The following TLN2 variants were observed in gnomAD, a reference collection of about 807,000 sequenced individuals.
The protein encoded by TLN2 is talin 2, also known as talin-2.
TLN2 carries 118 observed loss-of-function variants against 294.7 expected under a neutral mutation model. The observed-to-expected ratio is 0.40, with a 90% confidence interval of 0.34 to 0.47. TLN2 has a LOEUF of 0.47. Ranked by LOEUF, TLN2 falls within the 20% of genes least tolerant of loss-of-function variation. The probability of loss-of-function intolerance (pLI) is 0.84; values close to 1 mark genes in which losing one functional copy is unlikely to be tolerated. For missense variants in TLN2, 3,083 were observed against 3,282.2 expected (o/e 0.94, Z 1.48); for synonymous variants, 1,431 against 1,304.5 (o/e 1.10, Z -2.09).
intron 30 of TLN2, among the ~76,000 whole-genome samples, chr15:62,739,060 A>T (rs2061178396): frequency 6.6e-6 from 1 of 152,122 alleles, no homozygotes; most frequent in Non-Finnish European, 1.5e-5. Context: ...CTTGGTGTGG[A>T]TCCTGTCTCT....
rs1465101823 is a variant in TLN2 at position 62,763,464 on chromosome 15, G to A, written c.4962-99G>A. 3 of 1,474,910 alleles carry A rather than the reference G, an allele frequency of 2.0e-6. No individual in the cohort carries two copies. The African/African-American group carries it at 4.2e-5, about 21-fold the overall frequency. 91.4% of individuals were successfully genotyped at this position (1,474,910 alleles called of 1,614,324 possible). ...CTCCTGAAAGGAGGTGACTGTGTCAGGGAGGAAGTGGACAGGGATCCTGGC... is the reference window on the plus strand; with the variant it reads ...CTCCTGAAAGGAGGTGACTGTGTCAAGGAGGAAGTGGACAGGGATCCTGGC... On this transcript the variant is annotated intron_variant, in intron 39 of 58. Coordinates refer to ENST00000636159, the MANE Select transcript of TLN2 (RefSeq NM_015059.3).
At chr15:62,696,990 G>A (rs2058384776) in intron 14 of TLN2, among the ~76,000 whole-genome samples, 1 of 152,116 alleles carries the variant, frequency 6.6e-6, no homozygotes. Flanking sequence ...CCTGGCACAA[G>A]GTTGATACTT....
At chr15:62,597,436 G>A (rs549346232) in intron 2 of TLN2, among the ~76,000 whole-genome samples, 2 of 152,164 alleles carry the variant, frequency 1.3e-5, no homozygotes, top group Non-Finnish European at 2.9e-5. Flanking sequence ...TGTTTAAATG[G>A]ATTCCCCTTT....
At chr15:62,572,846 C>T (rs909855273) in intron 1 of TLN2, among the ~76,000 whole-genome samples, 12 of 152,192 alleles carry the variant, frequency 7.9e-5, no homozygotes, top group African/African-American at 2.6e-4. Context: ...TTTGGAATCC[C>T]GCACTCTGTG....
At chr15:62,453,070 CT>C (rs1290124257) in intron 1 of TLN2, among the ~76,000 whole-genome samples, 1 of 152,122 alleles carries the variant, frequency 6.6e-6, no homozygotes, top group Non-Finnish European at 1.5e-5. Flanking sequence ...GCAGAATTAT[CT>C]GTGGTTTACC....
At position 62,844,194 on chromosome 15, in the gene TLN2, TCC is replaced by T. The variant is rs1264878174; in HGVS notation, c.*3586_*3587del. The T allele has an allele frequency of 6.6e-6, 1 of 152,088 alleles. No homozygotes were observed. Among genetic ancestry groups the T allele is most frequent in the Non-Finnish European group, 1.5e-5 (1 of 68,076 alleles). The allele number at this position is 152,088 out of a possible 1,614,324, so 9.4% of individuals were successfully genotyped here. Reference sequence around the variant, plus strand: ...TGGCCTCTGCTGGGGAAGGCATCTTTCCCAAAGGTATCCCCAAGTACCATGTT... The same window carrying T: ...TGGCCTCTGCTGGGGAAGGCATCTTTCAAAGGTATCCCCAAGTACCATGTT... On this transcript the variant is annotated 3_prime_UTR_variant, in exon 59 of 59. Transcript: ENST00000636159.
rs1350997797 is a variant in TLN2 at position 62,809,985 on chromosome 15, A to T, written c.6724A>T (p.Thr2242Ser). ...GAGAACCAGAGCCTTGCGTTTCGGGACGGAGTGCACCCTTGGCTACTTGGA... is the reference window on the plus strand; with the variant it reads ...GAGAACCAGAGCCTTGCGTTTCGGGTCGGAGTGCACCCTTGGCTACTTGGA... ...EVRTRALRFG[T>S]ECTLGYLDLL... is the part of the protein sequence containing the mutation. The change falls in exon 52 of 59, where the codon ACG becomes TCG. Residue 2242 changes from threonine (T) to serine (S), a missense_variant. Coordinates refer to ENST00000636159, the MANE Select transcript of TLN2 (RefSeq NM_015059.3). The T allele has an allele frequency of 6.2e-7, 1 of 1,613,924 alleles. No homozygotes were observed. The highest frequency in any genetic ancestry group is 1.3e-5 in the African/African-American group (1 of 74,940).
In TLN2 at chr15:62,609,218, A is replaced by C. The variant is rs1028161658; in HGVS notation, c.-161-9133A>C. Among the ~76,000 whole-genome samples the C allele has an allele frequency of 6.7e-4, 102 of 152,246 alleles. 1 individual carries two copies. The highest frequency in any genetic ancestry group is 1.9e-4 in the Non-Finnish European group (13 of 68,042). ...CACAGAGAAGCTGAAAATACAGCAC[A>C]AAAGAAGGTTTCTGAACCATTTGAT... On this transcript the variant is annotated intron_variant, in intron 2 of 58. Transcript: ENST00000636159.
At chr15:62,655,409 C>T (rs188409480) in intron 7 of TLN2, among the ~76,000 whole-genome samples, 2 of 152,150 alleles carry the variant, frequency 1.3e-5, no homozygotes, top group Admixed American at 6.5e-5. Context: ...TCTGCCAGCC[C>T]CCCTTTAGTG....
intron 28 of TLN2, among the ~76,000 whole-genome samples, chr15:62,733,642 C>T (rs1432675865): frequency 6.6e-6 from 1 of 152,190 alleles, no homozygotes; most frequent in South Asian, 2.1e-4. Context: ...ATACACAATC[C>T]ACATGAATTC....
intron 19 of TLN2, among the ~76,000 whole-genome samples, chr15:62,704,656 G>A (rs193275352): frequency 2.0e-5 from 3 of 152,344 alleles, no homozygotes; most frequent in Admixed American, 1.3e-4. Flanking sequence ...GAATTCATAT[G>A]ATGGGTGGTA....
intron 9 of TLN2, among the ~76,000 whole-genome samples, chr15:62,670,912 G>A (rs2055328943): frequency 6.6e-6 from 1 of 152,182 alleles, no homozygotes; most frequent in Non-Finnish European, 1.5e-5. Context: ...CAGTGTATGA[G>A]GGTTCCAGTT....
intron 1 of TLN2, among the ~76,000 whole-genome samples, chr15:62,410,818 C>T (rs1004918630): frequency 6.6e-5 from 10 of 152,166 alleles, no homozygotes; most frequent in African/African-American, 1.7e-4. Context: ...TGTTCAAGTA[C>T]GGTGATAAGG....
rs536419294 is a variant in TLN2 at position 62,842,012 on chromosome 15, C to T, written c.*1402C>T. ...CTGGTGTGCTATCATGTCTTGGACT[C>T]CATCCACACTATAGTTTCAAAGTTC... On this transcript the variant is annotated 3_prime_UTR_variant, in exon 59 of 59. Coordinates refer to ENST00000636159, the MANE Select transcript of TLN2 (RefSeq NM_015059.3). The T allele has an allele frequency of 6.6e-6, 1 of 151,714 alleles. No individual in the cohort carries two copies. Among genetic ancestry groups the T allele is most frequent in the South Asian group, 2.1e-4 (1 of 4,770 alleles). 9.4% of individuals were successfully genotyped at this position (151,714 alleles called of 1,614,324 possible). A position where few individuals can be genotyped will look rare whatever the true frequency, so the allele number is the denominator to read the frequency against.
rs993967710 is a variant in TLN2, at chr15:62,742,679, C to A, written c.4025+1910C>A. Among the ~76,000 whole-genome samples the A allele has an allele frequency of 2.0e-5, 3 of 152,110 alleles. No individual in the cohort carries two copies. The East Asian group carries it at 5.8e-4, about 29-fold the overall frequency. ...TTCTGTCCTGGCTTTTAGCAGTTGACGGAGAATTCCCAGCCTGGTGATTTC... is the reference window on the plus strand; with the variant it reads ...TTCTGTCCTGGCTTTTAGCAGTTGAAGGAGAATTCCCAGCCTGGTGATTTC... On this transcript the variant is annotated intron_variant, in intron 32 of 58. Coordinates refer to ENST00000636159, the MANE Select transcript of TLN2 (RefSeq NM_015059.3).
chr15:62,664,746 T>C lies in TLN2; in HGVS notation c.788+6848T>C, dbSNP rs560073405. Reference sequence around the variant, plus strand: ...GATGGTGCATGCCTGTAATCCCAGCTACTCGGGAGGCTGAGGCACGAGAAT... The same window carrying C: ...GATGGTGCATGCCTGTAATCCCAGCCACTCGGGAGGCTGAGGCACGAGAAT... On this transcript the variant is annotated intron_variant, in intron 9 of 58. Transcript: ENST00000636159. Among the ~76,000 whole-genome samples the C allele has an allele frequency of 2.0e-5, 3 of 149,250 alleles. No homozygotes were observed. In the East Asian group the frequency reaches 6.0e-4, roughly 30 times the overall value.
chr15:62,734,228 T>C (rs766748415), intron 28 of TLN2: 9 of 152,214 alleles, frequency 5.9e-5, no homozygotes, highest in Non-Finnish European at 1.2e-4. Context: ...AACATGTCTT[T>C]TCTAATTACA....
intron 33 of TLN2, among the ~76,000 whole-genome samples, chr15:62,749,280 A>T (rs2061787341): frequency 1.3e-5 from 2 of 152,210 alleles, no homozygotes; most frequent in African/African-American, 2.4e-5. Context: ...TGAGAAGGGG[A>T]TTGTTATCAC....
chr15:62,591,863 G>C (rs1292282460), intron 2 of TLN2, among the ~76,000 whole-genome samples: 1 of 152,206 alleles, frequency 6.6e-6, no homozygotes, highest in Non-Finnish European at 1.5e-5. Context: ...TTCCTGACCA[G>C]AGGACCGTCT....
Sources: gnomAD v4.1 joint callset for allele counts (sites outside exome capture counted in the v4.1 genomes callset) on GRCh38, gnomAD v4.1.1 for gene constraint, MANE v1.5 for transcripts, NCBI Gene and HGNC (gene_info 2026-07-23, HGNC 2026-07-21) for gene names.